RAD54B: variants seen among roughly 807,000 people sequenced by gnomAD.
RAD54B encodes RAD54 homolog B, also known as DNA repair and recombination protein RAD54B.
A neutral mutation model predicts 95.8 loss-of-function variants in RAD54B; 78 were observed. The observed-to-expected ratio is 0.81, with a 90% CI of 0.68 to 0.98. The LOEUF is 0.98. Among genes scored for constraint, RAD54B ranks in the 50% least tolerant of loss-of-function variants. RAD54B has a pLI of 0.00. For missense variants in RAD54B, 957 were observed against 1,056.6 expected, an observed-to-expected ratio of 0.91 and a Z score of 1.31; for synonymous variants, 328 against 354.9, an observed-to-expected ratio of 0.92 and a Z score of 0.85.
chr8:94,455,625 T>C (rs1255595958), intron 3 of RAD54B, among the ~76,000 whole-genome samples: 1 of 152,204 alleles, frequency 6.6e-6, no homozygotes, highest in Non-Finnish European at 1.5e-5. Context: ...ACAAACTGGG[T>C]GGCTTTAAAC....
intron 8 of RAD54B, 142 bp downstream of exon 8, chr8:94,399,272 T>C: frequency 4.4e-6 from 3 of 680,194 alleles, no homozygotes; most frequent in Non-Finnish European, 7.3e-6. Context: ...TTCAGAATCC[T>C]ACCAAGAGTT....
intron 3 of RAD54B, among the ~76,000 whole-genome samples, chr8:94,441,621 G>T (rs1457020066): frequency 6.6e-6 from 1 of 152,158 alleles, no homozygotes; most frequent in Non-Finnish European, 1.5e-5. Context: ...GGCTTTTTAA[G>T]AAAGCTTCAT....
At chr8:94,378,506 AAC>A in intron 13 of RAD54B, 60 bp downstream of exon 13, 1 of 1,485,374 alleles carries the variant, frequency 6.7e-7, no homozygotes, top group Non-Finnish European at 9.2e-7. Context: ...AGCACAGGCT[AAC>A]AAAAAATAAT....
chr8:94,386,550 C>T (rs1586125190), intron 11 of RAD54B, among the ~76,000 whole-genome samples: 1 of 151,496 alleles, frequency 6.6e-6, no homozygotes, highest in African/African-American at 2.4e-5. Context: ...AGTCATCACA[C>T]ACACACACTG....
At chr8:94,465,464 C>T (rs1028096985) in intron 2 of RAD54B, among the ~76,000 whole-genome samples, 1 of 152,258 alleles carries the variant, frequency 6.6e-6, no homozygotes, top group Non-Finnish European at 1.5e-5. Flanking sequence ...AATACCACTT[C>T]ACAACTACTG....
chr8:94,375,040 G>A (rs1810533888), intron 14 of RAD54B, among the ~76,000 whole-genome samples: 1 of 152,130 alleles, frequency 6.6e-6, no homozygotes, highest in African/African-American at 2.4e-5. Context: ...AAACTGGCAA[G>A]GCTATGGGAA....
intron 3 of RAD54B, among the ~76,000 whole-genome samples, chr8:94,441,001 T>A (rs1190920060): frequency 6.6e-6 from 1 of 152,218 alleles, no homozygotes; most frequent in Admixed American, 6.5e-5. Flanking sequence ...AATTAACTCA[T>A]GACTTAGAAC....
At chr8:94,468,859 C>T (rs2130205000) in intron 1 of RAD54B, among the ~76,000 whole-genome samples, 1 of 151,766 alleles carries the variant, frequency 6.6e-6, no homozygotes, top group Non-Finnish European at 1.5e-5. Context: ...CTTGGTGGTG[C>T]ATGCCTGTAG....
Position 94,378,562 on chromosome 8 carries a change from T to C in RAD54B, c.2314+6A>G. ...ATACATTTTTGTCACACTGAAGGGTTGTTACCTGTAGTTAGGAGTCTGTAA... is the reference window on the plus strand; with the variant it reads ...ATACATTTTTGTCACACTGAAGGGTCGTTACCTGTAGTTAGGAGTCTGTAA... On this transcript the variant is annotated splice_donor_region_variant and intron_variant, in intron 13 of 14. Coordinates refer to ENST00000336148, the MANE Select transcript of RAD54B (RefSeq NM_012415.3). The C allele has an allele frequency of 6.3e-7, 1 of 1,598,406 alleles. No individual in the cohort carries two copies. Among genetic ancestry groups the C allele is most frequent in the Admixed American group, 1.7e-5 (1 of 57,826 alleles).
intron 10 of RAD54B, among the ~76,000 whole-genome samples, chr8:94,388,402 A>G (rs1232250879): frequency 6.6e-6 from 1 of 152,208 alleles, no homozygotes; most frequent in African/African-American, 2.4e-5. Flanking sequence ...TATACAAAAT[A>G]TGTGTGAACT....
chr8:94,471,468 A>C (rs1232348977), intron 1 of RAD54B, among the ~76,000 whole-genome samples: 2 of 152,208 alleles, frequency 1.3e-5, no homozygotes, highest in Non-Finnish European at 2.9e-5. Context: ...TGGAGGTGAT[A>C]GAAATAATCT....
intron 2 of RAD54B, among the ~76,000 whole-genome samples, chr8:94,466,198 G>A (rs55963151): frequency 0.25 from 38,023 of 151,962 alleles, 5,712 homozygotes; most frequent in East Asian, 0.43. Flanking sequence ...AAAAAGAAGA[G>A]GGAAAAAATT....
chr8:94,425,828 A>C (rs1331897486), intron 3 of RAD54B, among the ~76,000 whole-genome samples: 2 of 152,008 alleles, frequency 1.3e-5, no homozygotes, highest in Non-Finnish European at 2.9e-5. Flanking sequence ...AAAAAAAAAA[A>C]ACCAGTAAAC....
At chr8:94,404,961 G>A (rs1361101799) in intron 5 of RAD54B, among the ~76,000 whole-genome samples, 4 of 151,924 alleles carry the variant, frequency 2.6e-5, no homozygotes, top group South Asian at 2.1e-4. Context: ...TTACAGGTTC[G>A]CGCCACCACA....
At position 94,386,971 on chromosome 8, in the gene RAD54B, A is replaced by G; in HGVS notation, c.1985+13T>C. On this transcript the variant is annotated intron_variant, in intron 11 of 14. Coordinates refer to ENST00000336148, the MANE Select transcript of RAD54B (RefSeq NM_012415.3). ...CTCTATGAGCACTTATAAGTTTGTT[A>G]AATCGATCTTACTTTTCAGTAGGTC... 1 of 1,580,012 alleles carries G rather than the reference A, an allele frequency of 6.3e-7. No individual in the cohort carries two copies. Among genetic ancestry groups the G allele is most frequent in the Non-Finnish European group, 8.6e-7 (1 of 1,165,962 alleles).
chr8:94,431,256 G>C (rs1812085897), intron 3 of RAD54B: 18 of 967,062 alleles, frequency 1.9e-5, no homozygotes, highest in South Asian at 4.8e-5. Flanking sequence ...ATTTTTTCCA[G>C]AACAGGACAT....
At chr8:94,407,387 A>G in intron 5 of RAD54B, 52 bp downstream of exon 5, 2 of 1,515,712 alleles carry the variant, frequency 1.3e-6, no homozygotes, top group Non-Finnish European at 8.9e-7. Flanking sequence ...TCACACACAA[A>G]AAACATTTTG....
chr8:94,473,774 T>C (rs1485270275), intron 1 of RAD54B, among the ~76,000 whole-genome samples: 1 of 152,228 alleles, frequency 6.6e-6, no homozygotes, highest in Admixed American at 6.5e-5. Context: ...CTCTCCCTGC[T>C]GTTGCTGCTT....
intron 1 of RAD54B, among the ~76,000 whole-genome samples, chr8:94,471,451 A>T (rs1813169971): frequency 6.6e-6 from 1 of 152,158 alleles, no homozygotes; most frequent in Non-Finnish European, 1.5e-5. Flanking sequence ...AGCATGAGAG[A>T]ACTTGTTGGA....
Sources: gnomAD v4.1 joint callset for allele counts (sites outside exome capture counted in the v4.1 genomes callset) on GRCh38, gnomAD v4.1.1 for gene constraint, MANE v1.5 for transcripts, NCBI Gene and HGNC (gene_info 2026-07-23, HGNC 2026-07-21) for gene names.